VWA3B: variants seen among roughly 807,000 people sequenced by gnomAD.
The protein encoded by VWA3B is von Willebrand factor A domain-containing protein 3B.
Under a neutral mutation model 158.3 loss-of-function variants are expected in VWA3B, and 138 were observed. That is an observed-to-expected ratio of 0.87 (90% CI 0.76 to 1.00). VWA3B has a LOEUF of 1.00. Ranked by LOEUF, VWA3B falls within the 50% of genes least tolerant of loss-of-function variation. VWA3B has a pLI of 0.00. For synonymous variants in VWA3B, 596 were observed against 587.3 expected (o/e 1.01, Z -0.21); for missense variants, 1,555 against 1,565.1 (o/e 0.99, Z 0.11).
Position 98,312,085 on chromosome 2 carries a change from A to G in VWA3B, c.3735+53A>G. The G allele has an allele frequency of 1.9e-6, 3 of 1,603,752 alleles. No homozygotes were observed. The East Asian group carries it at 6.8e-5, about 36-fold the overall frequency. ...ATCGCTTATCTCAGGAACACCCTGA[A>G]ATCCCTTTCAAGAATAGTACACCTA... On this transcript the variant is annotated intron_variant, in intron 27 of 27. Coordinates refer to ENST00000477737, the MANE Select transcript of VWA3B (RefSeq NM_144992.5).
chr2:98,124,435 G>T (rs2104987998), intron 5 of VWA3B, among the ~76,000 whole-genome samples: 1 of 152,318 alleles, frequency 6.6e-6, no homozygotes, highest in Middle Eastern at 3.4e-3. Context: ...TGGGAGGCCA[G>T]AAAGTCGGTG....
At chr2:98,124,402 G>T (rs1455801505) in intron 5 of VWA3B, among the ~76,000 whole-genome samples, 1 of 152,192 alleles carries the variant, frequency 6.6e-6, no homozygotes, top group Non-Finnish European at 1.5e-5. Context: ...GGGATGGCAG[G>T]TGGGGACAGA....
chr2:98,122,867 T>C (rs1221854738), intron 5 of VWA3B, among the ~76,000 whole-genome samples: 1 of 152,190 alleles, frequency 6.6e-6, no homozygotes, highest in Non-Finnish European at 1.5e-5. Context: ...AGAAAAGGAA[T>C]CAAGAAAGAA....
intron 1 of VWA3B, among the ~76,000 whole-genome samples, chr2:98,089,671 A>G (rs1363718145): frequency 6.7e-6 from 1 of 148,704 alleles, no homozygotes; most frequent in African/African-American, 2.5e-5. Flanking sequence ...TCCAGACAAT[A>G]CAAATATTCC....
chr2:98,202,605 AC>A (rs1406864292), intron 12 of VWA3B, among the ~76,000 whole-genome samples: 1 of 151,746 alleles, frequency 6.6e-6, no homozygotes, highest in Non-Finnish European at 1.5e-5. Flanking sequence ...TATAAATGCC[AC>A]CCCCAGCTAC....
intron 7 of VWA3B, among the ~76,000 whole-genome samples, chr2:98,153,813 C>A (rs1677835104): frequency 6.6e-6 from 1 of 152,200 alleles, no homozygotes; most frequent in Admixed American, 6.5e-5. Context: ...GACTTTAATT[C>A]CCTTCAAAGT....
chr2:98,182,907 C>T (rs1430913575), intron 9 of VWA3B, among the ~76,000 whole-genome samples: 1 of 151,938 alleles, frequency 6.6e-6, no homozygotes, highest in Non-Finnish European at 1.5e-5. Context: ...GACTTTGTCT[C>T]AAAATAAAAT....
chr2:98,248,877 TTCTTTC>T (rs1457021605), intron 19 of VWA3B, among the ~76,000 whole-genome samples: 4 of 56,348 alleles, frequency 7.1e-5, no homozygotes, highest in Non-Finnish European at 1.1e-4. Flanking sequence ...CTTTCTTTCT[TTCTTTC>T]TCTCTTTCCT....
At chr2:98,223,138 T>TA (rs539658378) in intron 14 of VWA3B, among the ~76,000 whole-genome samples, 24 of 152,038 alleles carry the variant, frequency 1.6e-4, no homozygotes, top group Admixed American at 4.6e-4. Flanking sequence ...GTAGGAATTA[T>TA]AAAAAAAATT....
intron 7 of VWA3B, among the ~76,000 whole-genome samples, chr2:98,143,003 A>C (rs1052187383): frequency 6.6e-6 from 1 of 152,200 alleles, no homozygotes; most frequent in Non-Finnish European, 1.5e-5. Flanking sequence ...AGGATAAATC[A>C]AAACGATAAT....
intron 8 of VWA3B, among the ~76,000 whole-genome samples, chr2:98,180,699 G>A (rs540261997): frequency 6.6e-6 from 1 of 152,360 alleles, no homozygotes; most frequent in African/African-American, 2.4e-5. Flanking sequence ...CATGGCTCCT[G>A]ACACACAGCC....
chr2:98,198,979 C>G (rs1348054712), intron 12 of VWA3B, among the ~76,000 whole-genome samples: 1 of 151,546 alleles, frequency 6.6e-6, no homozygotes, highest in Non-Finnish European at 1.5e-5. Context: ...ACCAGCTACT[C>G]GGGAGGCTGA....
At chr2:98,201,796 G>T (rs1372069967) in intron 12 of VWA3B, among the ~76,000 whole-genome samples, 1 of 152,126 alleles carries the variant, frequency 6.6e-6, no homozygotes, top group African/African-American at 2.4e-5. Flanking sequence ...CAGATCTGTT[G>T]TCTGTTAATA....
At chr2:98,119,926 A>C (rs1024533638) in intron 4 of VWA3B, among the ~76,000 whole-genome samples, 163 bp downstream of exon 4, 9 of 152,216 alleles carry the variant, frequency 5.9e-5, no homozygotes, top group African/African-American at 1.9e-4. Context: ...CCCACAGTGA[A>C]TAAATCTTAG....
intron 22 of VWA3B, among the ~76,000 whole-genome samples, chr2:98,272,564 G>C (rs927153209): frequency 6.6e-6 from 1 of 152,126 alleles, no homozygotes; most frequent in Non-Finnish European, 1.5e-5. Flanking sequence ...CCCTCCTGGA[G>C]GTTGGGGGTT....
chr2:98,119,834 G>C, intron 4 of VWA3B, 71 bp downstream of exon 4: 1 of 1,566,522 alleles, frequency 6.4e-7, no homozygotes, highest in South Asian at 1.2e-5. Context: ...GAATTAAGTA[G>C]CACAGCTGAC....
chr2:98,290,231 T>TTA (rs956539245), intron 22 of VWA3B, among the ~76,000 whole-genome samples: 2 of 151,972 alleles, frequency 1.3e-5, no homozygotes, highest in African/African-American at 4.8e-5. Flanking sequence ...ATGGCCAGCA[T>TTA]GAGAGAGAGA....
chr2:98,119,692 T>G lies in VWA3B; in HGVS notation c.471T>G (p.Asp157Glu), dbSNP rs1674806082. The G allele has an allele frequency of 3.1e-6, 5 of 1,614,178 alleles. No homozygotes were observed. Among genetic ancestry groups the G allele is most frequent in the Non-Finnish European group, 4.2e-6 (5 of 1,180,036 alleles). The change falls in exon 4 of 28, where the codon GAT (aspartate) becomes GAG (glutamate). Residue 157 changes from aspartate (D) to glutamate (E), a missense_variant. Asp to Glu is a conservative substitution (Grantham distance 45). Coordinates refer to ENST00000477737, the MANE Select transcript of VWA3B (RefSeq NM_144992.5). ...DFGGILEGEL[D>E]LCREALTMVL... Reference sequence around the variant, plus strand: ...GCGGCATTCTGGAGGGGGAGCTTGATCTGTGCCGAGAGGCTCTAACAATGG... The same window carrying G: ...GCGGCATTCTGGAGGGGGAGCTTGAGCTGTGCCGAGAGGCTCTAACAATGG...
chr2:98,181,134 C>T lies in VWA3B; in HGVS notation c.1233C>T (p.Ala411=), dbSNP rs552677117. 1.9e-5 allele frequency: 31 copies of T among 1,614,036 alleles called. No individual in the cohort carries two copies. The highest frequency in any genetic ancestry group is 1.1e-4 in the African/African-American group (8 of 74,918). The change falls in exon 9 of 28, where the codon GCC becomes GCT. Residue 411 remains alanine, a synonymous_variant. Coordinates refer to ENST00000477737, the MANE Select transcript of VWA3B (RefSeq NM_144992.5). Reference sequence around the variant, plus strand: ...AGCTATCCTTGTATGATGTGCTTGCCGACTGCTCTTTCCGCCACGCTGATG... The same window carrying T: ...AGCTATCCTTGTATGATGTGCTTGCTGACTGCTCTTTCCGCCACGCTGATG... The part of the protein sequence containing the change: ...AQKLSLYDVL[A]DCSFRHADGV...
Sources: allele counts gnomAD v4.1 joint callset (sites outside exome capture counted in the v4.1 genomes callset), GRCh38; gene constraint gnomAD v4.1.1; transcripts MANE v1.5; gene names NCBI Gene and HGNC (gene_info 2026-07-23, HGNC 2026-07-21).